Variants in C8orf89 observed in about 807,000 individuals in gnomAD.
C8orf89 encodes chromosome 8 open reading frame 89.
C8orf89 carries 14 observed loss-of-function variants against 15.8 expected under a neutral mutation model. That is an observed-to-expected ratio of 0.89 (90% CI 0.59 to 1.39). The LOEUF (loss-of-function observed/expected upper bound fraction) is 1.39. Among genes scored for constraint, C8orf89 ranks in the 40% most tolerant of loss-of-function variants. The pLI, the probability that C8orf89 is intolerant of heterozygous loss-of-function variation, is 0.00. For missense variants in C8orf89, 181 were observed against 184.5 expected (o/e 0.98, Z 0.11); for synonymous variants, 55 against 62.2 (o/e 0.88, Z 0.54).
At chr8:73,254,395 T>G (rs1187595182) in intron 2 of C8orf89, among the ~76,000 whole-genome samples, 1 of 152,146 alleles carries the variant, frequency 6.6e-6, no homozygotes, top group Non-Finnish European at 1.5e-5. Flanking sequence ...TAAAATTCTC[T>G]TTTTTGGTTG....
chr8:73,284,684 G>A, the C8orf89 span, among the ~76,000 whole-genome samples: 4 of 152,090 alleles, frequency 2.6e-5, no homozygotes, highest in Admixed American at 1.3e-4. Context: ...ATATACTTCC[G>A]TACTGTTTCA....
At chr8:73,245,976 C>T (rs1360265473) in intron 3 of C8orf89, among the ~76,000 whole-genome samples, 1 of 152,092 alleles carries the variant, frequency 6.6e-6, no homozygotes, top group African/African-American at 2.4e-5. Flanking sequence ...TTCCACAAGG[C>T]CATTATAATG....
the C8orf89 span, among the ~76,000 whole-genome samples, chr8:73,273,647 G>A: frequency 3.3e-5 from 5 of 152,108 alleles, no homozygotes; most frequent in Non-Finnish European, 7.4e-5. Flanking sequence ...GGAAAGAGGC[G>A]GTCCCCAGTG....
chr8:73,257,887 A>G (rs2130286848), intron 1 of C8orf89, among the ~76,000 whole-genome samples: 1 of 152,290 alleles, frequency 6.6e-6, no homozygotes, highest in South Asian at 2.1e-4. Flanking sequence ...AATGTTCAAA[A>G]TGTTATTTTG....
At chr8:73,273,053 G>A in the C8orf89 span, among the ~76,000 whole-genome samples, 2 of 152,232 alleles carry the variant, frequency 1.3e-5, no homozygotes, top group Non-Finnish European at 2.9e-5. Context: ...AAAGTTTTCA[G>A]AATTTTGTTC....
the C8orf89 span, among the ~76,000 whole-genome samples, chr8:73,266,660 A>C: frequency 6.6e-6 from 1 of 152,204 alleles, no homozygotes; most frequent in Non-Finnish European, 1.5e-5. Context: ...AATAAGATTA[A>C]GTGAAAACTC....
At chr8:73,247,554 C>T (rs1043026775) in intron 3 of C8orf89, among the ~76,000 whole-genome samples, 3 of 152,192 alleles carry the variant, frequency 2.0e-5, no homozygotes, top group Admixed American at 1.3e-4. Context: ...TTTACATTCC[C>T]ACCAATAGTG....
chr8:73,277,831 C>A, the C8orf89 span: 2 of 712,952 alleles, frequency 2.8e-6, no homozygotes, highest in Admixed American at 3.5e-5. Context: ...GGTCCATTTT[C>A]TTTTCCCATA....
chr8:73,274,918 G>A, the C8orf89 span, among the ~76,000 whole-genome samples: 6 of 152,212 alleles, frequency 3.9e-5, 1 homozygote, highest in Middle Eastern at 3.4e-3. Flanking sequence ...ATATCATATC[G>A]ATTATATGAA....
intron 1 of C8orf89, among the ~76,000 whole-genome samples, chr8:73,258,817 G>A (rs1047670478): frequency 2.6e-5 from 4 of 151,940 alleles, no homozygotes; most frequent in Admixed American, 2.6e-4. Flanking sequence ...TTTTTGTAGA[G>A]ATGGGGTATC....
chr8:73,270,877 AT>A, the C8orf89 span, among the ~76,000 whole-genome samples: 1 of 152,252 alleles, frequency 6.6e-6, no homozygotes, highest in Non-Finnish European at 1.5e-5. Context: ...AAAGCAATTA[AT>A]TTGCTTATTT....
At position 73,241,752 on chromosome 8, in the gene C8orf89, A is replaced by C. The variant is rs549787261; in HGVS notation, c.338-147T>G. ...TTATACTACAGAGCTATACTAACCCAAAAAAAAGCATGCATAAAAACAGAC... is the reference window on the plus strand; with the variant it reads ...TTATACTACAGAGCTATACTAACCCCAAAAAAAGCATGCATAAAAACAGAC... On this transcript the variant is annotated intron_variant, in intron 3 of 3. Coordinates refer to ENST00000624510, the MANE Select transcript of C8orf89 (RefSeq NM_001243237.3). 519 of 389,336 alleles carry C rather than the reference A, an allele frequency of 1.3e-3. 2 individuals are homozygous for C. The highest frequency in any genetic ancestry group is 0.013 in the African/African-American group (487 of 37,456). The allele number at this position is 389,336 out of a possible 1,614,324, so 24.1% of individuals were successfully genotyped here.
the C8orf89 span, among the ~76,000 whole-genome samples, chr8:73,276,367 G>A: frequency 2.0e-5 from 3 of 151,808 alleles, no homozygotes; most frequent in Non-Finnish European, 2.9e-5. Flanking sequence ...TAGTAGAGAC[G>A]GGGTTTCATC....
chr8:73,258,245 A>G (rs1298262089), intron 1 of C8orf89, among the ~76,000 whole-genome samples: 1 of 152,084 alleles, frequency 6.6e-6, no homozygotes, highest in Admixed American at 6.5e-5. Context: ...TCCCATCTCT[A>G]CTAAAAATAA....
At chr8:73,280,152 G>T in the C8orf89 span, among the ~76,000 whole-genome samples, 5 of 152,316 alleles carry the variant, frequency 3.3e-5, no homozygotes, top group East Asian at 9.6e-4. Context: ...TCAGCAGATG[G>T]CTCAACGGTG....
the C8orf89 span, among the ~76,000 whole-genome samples, chr8:73,282,040 T>C: frequency 6.6e-6 from 1 of 152,230 alleles, no homozygotes; most frequent in African/African-American, 2.4e-5. Context: ...AAGAAATAAC[T>C]TTTCTATGTT....
chr8:73,275,361 G>A, the C8orf89 span, among the ~76,000 whole-genome samples: 13 of 149,852 alleles, frequency 8.7e-5, no homozygotes, highest in East Asian at 4.0e-4. Flanking sequence ...CTCAGCCTCC[G>A]GAGTAGCTGG....
chr8:73,268,421 G>T, the C8orf89 span, among the ~76,000 whole-genome samples: 1 of 152,054 alleles, frequency 6.6e-6, no homozygotes, highest in Non-Finnish European at 1.5e-5. Flanking sequence ...AGAGGTTGCA[G>T]TGAGCCGAGA....
the C8orf89 span, among the ~76,000 whole-genome samples, chr8:73,266,206 AC>A: frequency 6.6e-6 from 1 of 152,172 alleles, no homozygotes; most frequent in Non-Finnish European, 1.5e-5. Context: ...AAGAGTGAAA[AC>A]CTTCGGCCAC....
Sources: allele counts gnomAD v4.1 joint callset (sites outside exome capture counted in the v4.1 genomes callset), GRCh38; gene constraint gnomAD v4.1.1; transcripts MANE v1.5; gene names NCBI Gene and HGNC (gene_info 2026-07-23, HGNC 2026-07-21).